Variants in ARID5B observed in about 807,000 individuals in gnomAD.
ARID5B encodes AT-rich interactive domain-containing protein 5B.
ARID5B carries 13 observed loss-of-function variants against 97.2 expected under a neutral mutation model. That is an observed-to-expected ratio of 0.13 (90% CI 0.09 to 0.21). ARID5B has a LOEUF of 0.21. ARID5B is among the 10% of genes least tolerant of loss of function. The probability of loss-of-function intolerance (pLI) is 1.00; values close to 1 mark genes in which losing one functional copy is unlikely to be tolerated. For missense variants in ARID5B, 1,210 were observed against 1,465.3 expected (o/e 0.83, Z 2.84); for synonymous variants, 556 against 570.3 (o/e 0.97, Z 0.36).
chr10:61,926,617 T>A (rs1844109806), intron 2 of ARID5B, among the ~76,000 whole-genome samples: 1 of 152,068 alleles, frequency 6.6e-6, no homozygotes, highest in Non-Finnish European at 1.5e-5. Context: ...TATTTATTTA[T>A]TTATTTTTTT....
At chr10:61,924,130 A>G (rs763835563) in intron 2 of ARID5B, among the ~76,000 whole-genome samples, 3 of 152,214 alleles carry the variant, frequency 2.0e-5, no homozygotes, top group Non-Finnish European at 4.4e-5. Context: ...AAAGCTGCAC[A>G]AGTTTTCAGC....
In ARID5B at chr10:62,096,303, A is replaced by G; in HGVS notation, c.*3273A>G. On this transcript the variant is annotated 3_prime_UTR_variant, in exon 10 of 10. Transcript: ENST00000279873. ...GAAATTTCGAGGTGGTCCCACAAAA[A>G]TATTTTATGTAGTGTGCCTTCAAAG... is the stretch of plus-strand genomic sequence containing the variant. 4.3e-6 allele frequency: 1 copy of G among 233,686 alleles called. No homozygotes were observed. The highest frequency in any genetic ancestry group is 2.2e-5 in the African/African-American group (1 of 45,468). 14.5% of individuals were successfully genotyped at this position (233,686 alleles called of 1,614,324 possible).
chr10:62,079,628 G>C (rs544534068), intron 8 of ARID5B, among the ~76,000 whole-genome samples: 3 of 152,110 alleles, frequency 2.0e-5, no homozygotes, highest in Admixed American at 2.0e-4. Context: ...CATCTTTATG[G>C]GAGCCGAGCC....
At chr10:61,999,750 T>A (rs1236472357) in intron 3 of ARID5B, among the ~76,000 whole-genome samples, 1 of 152,190 alleles carries the variant, frequency 6.6e-6, no homozygotes, top group African/African-American at 2.4e-5. Context: ...TTCCCTATGA[T>A]GAGGATGACT....
At chr10:62,017,704 A>G (rs772506176) in intron 4 of ARID5B, among the ~76,000 whole-genome samples, 5 of 152,362 alleles carry the variant, frequency 3.3e-5, no homozygotes, top group South Asian at 4.1e-4. Context: ...GTTTGATGGC[A>G]GAACAGTTTG....
At chr10:62,074,132 A>C (rs1302815891) in intron 8 of ARID5B, among the ~76,000 whole-genome samples, 1 of 152,246 alleles carries the variant, frequency 6.6e-6, no homozygotes, top group African/African-American at 2.4e-5. Context: ...AATTTTCCTG[A>C]ATAAATTACA....
chr10:62,065,845 CA>C (rs60296263), intron 7 of ARID5B, among the ~76,000 whole-genome samples: 36,917 of 88,208 alleles, frequency 0.42, 4,814 homozygotes, highest in East Asian at 0.6. Context: ...GACTCTGTCT[CA>C]AAAAAAAAAA....
intron 2 of ARID5B, 87 bp from the exon 3 acceptor site, chr10:61,940,096 C>A: frequency 8.2e-7 from 1 of 1,218,700 alleles, no homozygotes; most frequent in Non-Finnish European, 1.2e-6. Context: ...ACTCACATGG[C>A]ATTTCAGATG....
chr10:62,083,564 G>A (rs1029358191), intron 8 of ARID5B, among the ~76,000 whole-genome samples: 16 of 152,074 alleles, frequency 1.1e-4, no homozygotes, highest in South Asian at 2.1e-4. Flanking sequence ...AGGGTCCCTC[G>A]TGGTGTCACC....
chr10:62,007,373 C>T lies in ARID5B; in HGVS notation c.733+7052C>T, dbSNP rs118035413. On this transcript the variant is annotated intron_variant, in intron 4 of 9. Coordinates refer to ENST00000279873, the MANE Select transcript of ARID5B (RefSeq NM_032199.3). ...TCATTCATTCATTCATTCATTTAAC[C>T]AGGGTTTATTCCACAGCTATTATAT... is the stretch of plus-strand genomic sequence containing the variant. 3.3e-3 allele frequency among the ~76,000 whole-genome samples: 503 copies of T among 152,174 alleles called. 8 individuals are homozygous for T. The East Asian group carries it at 0.038, about 12-fold the overall frequency.
intron 8 of ARID5B, among the ~76,000 whole-genome samples, chr10:62,074,438 T>C (rs910818386): frequency 5.3e-5 from 8 of 151,976 alleles, no homozygotes; most frequent in African/African-American, 1.9e-4. Context: ...CCAAGCCAGA[T>C]GTACTTGGGC....
intron 3 of ARID5B, among the ~76,000 whole-genome samples, chr10:61,988,999 G>A (rs1206445967): frequency 2.3e-5 from 3 of 130,250 alleles, no homozygotes; most frequent in Admixed American, 9.7e-5. Context: ...GTGCAATCTC[G>A]GCTCACCGCA....
Position 62,000,404 on chromosome 10 carries a change from G to A in ARID5B, c.733+83G>A. 1.6e-6 allele frequency: 2 copies of A among 1,289,400 alleles called. No homozygotes were observed. Among genetic ancestry groups the A allele is most frequent in the Non-Finnish European group, 2.1e-6 (2 of 939,366 alleles). The allele number at this position is 1,289,400 out of a possible 1,614,324, so 79.9% of individuals were successfully genotyped here. A position where few individuals can be genotyped will look rare whatever the true frequency, so the allele number is the denominator to read the frequency against. On this transcript the variant is annotated intron_variant, in intron 4 of 9. Coordinates refer to ENST00000279873, the MANE Select transcript of ARID5B (RefSeq NM_032199.3). This position sits in a 1 kb window ranked among gnomAD's most constrained non-coding sequence, Gnocchi z 4.4. ...CAGTTCTTCTGAAGAGCGGTGATGGGGAACGGGGCTCACTTTCACAAGCCC... is the reference window on the plus strand; with the variant it reads ...CAGTTCTTCTGAAGAGCGGTGATGGAGAACGGGGCTCACTTTCACAAGCCC...
chr10:61,909,723 A>G (rs746892403), intron 2 of ARID5B, among the ~76,000 whole-genome samples: 4 of 152,182 alleles, frequency 2.6e-5, no homozygotes, highest in Admixed American at 2.6e-4. Flanking sequence ...TTTCTGGCAG[A>G]TGACCAGTGA....
intron 5 of ARID5B, among the ~76,000 whole-genome samples, chr10:62,054,393 G>GA (rs879929402): frequency 0.012 from 1,715 of 146,886 alleles, 27 homozygotes; most frequent in African/African-American, 0.036. Flanking sequence ...TATCTTAACT[G>GA]AAAAAAAAAA....
At chr10:61,953,308 G>A (rs1838348620) in intron 3 of ARID5B, among the ~76,000 whole-genome samples, 2 of 152,124 alleles carry the variant, frequency 1.3e-5, no homozygotes, top group Non-Finnish European at 2.9e-5. Flanking sequence ...TGATAATAAG[G>A]CAGAGTTCAA....
Position 62,000,170 on chromosome 10 carries a change from C to G in ARID5B, c.582C>G (p.Ile194Met). Residue 194 changes from isoleucine to methionine, a missense_variant, in exon 4 of 10, where the codon ATC becomes ATG. Ile to Met is a conservative substitution (Grantham distance 10, BLOSUM62 1). This residue lies in a region of ARID5B where 132 missense variants were observed against 156.7 expected (regional missense o/e 0.84). Coordinates refer to ENST00000279873, the MANE Select transcript of ARID5B (RefSeq NM_032199.3). The surrounding 1 kb of genome is among the most constrained non-coding windows in gnomAD (Gnocchi z 4.4). ...YCRYRSMLKRIQDKPSSILTD... is the reference protein window; with the variant it reads ...YCRYRSMLKRMQDKPSSILTD... The stretch of plus-strand genomic sequence containing the variant: ...GGTACCGCTCGATGCTGAAACGCAT[C>G]CAGGATAAGCCATCTTCCATTCTAA... 2 of 1,614,048 alleles carry G rather than the reference C, an allele frequency of 1.2e-6. No individual in the cohort carries two copies. Among genetic ancestry groups the G allele is most frequent in the Non-Finnish European group, 1.7e-6 (2 of 1,179,960 alleles).
chr10:62,018,215 G>C (rs73274369), intron 4 of ARID5B, among the ~76,000 whole-genome samples: 2 of 152,104 alleles, frequency 1.3e-5, no homozygotes, highest in Non-Finnish European at 2.9e-5. Context: ...CTCTCCCTTC[G>C]TTTGAGTTTA....
At chr10:61,995,259 A>G (rs1007711310) in intron 3 of ARID5B, among the ~76,000 whole-genome samples, 1 of 152,188 alleles carries the variant, frequency 6.6e-6, no homozygotes, top group Admixed American at 6.5e-5. Flanking sequence ...TGCTTTCCCT[A>G]TTATGAATTG....
Sources: gnomAD v4.1 joint callset for allele counts (sites outside exome capture counted in the v4.1 genomes callset) on GRCh38, gnomAD v4.1.1 for gene constraint, gnomAD v4.1.1 regional missense constraint, Gnocchi (gnomAD v3.1) non-coding constraint, MANE v1.5 for transcripts, NCBI Gene and HGNC (gene_info 2026-07-23, HGNC 2026-07-21) for gene names.